Variants in SH3BP1 observed in about 807,000 individuals in gnomAD.
SH3BP1 encodes SH3 domain-binding protein 1.
SH3BP1 carries 46 observed loss-of-function variants against 69.8 expected under a neutral mutation model. The ratio of observed to expected loss-of-function variants is 0.66; its 90% CI spans 0.52 to 0.84. The LOEUF is 0.84. Ranked by LOEUF, SH3BP1 falls within the 40% of genes least tolerant of loss-of-function variation. The pLI, the probability that SH3BP1 is intolerant of heterozygous loss-of-function variation, is 0.00. For synonymous variants in SH3BP1, 403 were observed against 378.0 expected, an observed-to-expected ratio of 1.07 and a Z score of -0.77; for missense variants, 868 against 930.9, an observed-to-expected ratio of 0.93 and a Z score of 0.88.
chr22:37,639,918 GAC>G, intron 1 of SH3BP1, 72 bp downstream of exon 1: 7 of 1,029,854 alleles, frequency 6.8e-6, no homozygotes, highest in Non-Finnish European at 9.9e-6. Context: ...GGTCGGGGGA[GAC>G]GGGGGTGGGG....
intron 10 of SH3BP1, among the ~76,000 whole-genome samples, chr22:37,646,110 G>A (rs1390357537): frequency 6.6e-6 from 1 of 151,300 alleles, no homozygotes; most frequent in African/African-American, 2.4e-5. Flanking sequence ...GGGACTACAG[G>A]CATGCACCAC....
intron 16 of SH3BP1, among the ~76,000 whole-genome samples, chr22:37,652,825 CAAA>C (rs34342757): frequency 5.8e-4 from 57 of 97,824 alleles, no homozygotes; most frequent in African/African-American, 1.4e-3. Flanking sequence ...AACTCCATCT[CAAA>C]AAAAAAAAAA....
chr22:37,650,480 G>T, intron 15 of SH3BP1, 62 bp from the exon 16 acceptor site: 1 of 1,556,574 alleles, frequency 6.4e-7, no homozygotes, highest in Non-Finnish European at 8.7e-7. Flanking sequence ...AACGGTCCCG[G>T]CCAGTGGAGT....
chr22:37,643,378 G>T (rs1278924108), intron 6 of SH3BP1: 5 of 659,260 alleles, frequency 7.6e-6, no homozygotes, highest in Non-Finnish European at 1.3e-5. Context: ...GCTGGTGCTG[G>T]GGCAACCCTA....
rs1013645331 is a variant in SH3BP1, at chr22:37,650,657, C to T, written c.1530C>T (p.Thr510=). 7 of 1,613,744 alleles carry T rather than the reference C, an allele frequency of 4.3e-6. No individual in the cohort carries two copies. The highest frequency in any genetic ancestry group is 5.9e-6 in the Non-Finnish European group (7 of 1,179,810). Residue 510 remains threonine, a synonymous_variant, in exon 16 of 18, where the codon ACC becomes ACT. Transcript: ENST00000649765. ...PSTAVPTPAT[T]PAPAPAPAPA... ...CTGCCGTGCCCACCCCAGCCACCACCCCGGCTCCGGCTCCGGCTCCAGCTC... is the reference window on the plus strand; with the variant it reads ...CTGCCGTGCCCACCCCAGCCACCACTCCGGCTCCGGCTCCGGCTCCAGCTC...
chr22:37,643,773 A>G lies in SH3BP1; in HGVS notation c.603A>G (p.Lys201=). 1 of 1,613,414 alleles carries G rather than the reference A, an allele frequency of 6.2e-7. No individual in the cohort carries two copies. Among genetic ancestry groups the G allele is most frequent in the Non-Finnish European group, 8.5e-7 (1 of 1,179,978 alleles). Residue 201 remains lysine, a synonymous_variant, in exon 7 of 18, where the codon AAA becomes AAG. Transcript: ENST00000649765. ...LKEEEEELKR[K]VEQCRDEYLA... Reference sequence around the variant, plus strand: ...AGGAGGAGGAGGAGCTGAAGAGGAAAGTGGAGCAATGCAGGGTGAGGGCCA... The same window carrying G: ...AGGAGGAGGAGGAGCTGAAGAGGAAGGTGGAGCAATGCAGGGTGAGGGCCA...
chr22:37,641,118 C>CAA lies in SH3BP1; in HGVS notation c.60-8_60-7insAA. ...CACTCTCCCCCCCCCCCCCACCACT[C>CAA]CCCGCAGCACCCCGGAGACCGCTGA... is the stretch of plus-strand genomic sequence containing the variant. On this transcript the variant is annotated splice_polypyrimidine_tract_variant and splice_region_variant and intron_variant, in intron 1 of 17. Coordinates refer to ENST00000649765, the MANE Select transcript of SH3BP1 (RefSeq NM_018957.6). The CAA allele has an allele frequency of 7.1e-7, 1 of 1,412,380 alleles. No homozygotes were observed. The highest frequency in any genetic ancestry group is 9.7e-7 in the Non-Finnish European group (1 of 1,026,098). 87.5% of individuals were successfully genotyped at this position (1,412,380 alleles called of 1,614,324 possible). A position where few individuals can be genotyped will look rare whatever the true frequency, so the allele number is the denominator to read the frequency against.
rs1344356883 is a variant in SH3BP1 at position 37,650,442 on chromosome 22, T to C, written c.1415-100T>C. ...CACACGGGAGTGGGGAAGCTGAACA[T>C]GGTCCAGATGGGTTCAGGGGAAGGG... On this transcript the variant is annotated intron_variant, in intron 15 of 17. Coordinates refer to ENST00000649765, the MANE Select transcript of SH3BP1 (RefSeq NM_018957.6). 4.0e-6 allele frequency: 6 copies of C among 1,511,154 alleles called. No homozygotes were observed. The Admixed American group carries it at 1.0e-4, about 25-fold the overall frequency. 93.6% of individuals were successfully genotyped at this position (1,511,154 alleles called of 1,614,324 possible). A position where few individuals can be genotyped will look rare whatever the true frequency, so the allele number is the denominator to read the frequency against.
chr22:37,650,283 G>C (rs941822410), intron 15 of SH3BP1, 34 bp downstream of exon 15: 42 of 1,567,542 alleles, frequency 2.7e-5, no homozygotes, highest in Non-Finnish European at 3.5e-5. Context: ...GCCCTGCTGG[G>C]TGCCCTCCTT....
intron 16 of SH3BP1, 136 bp from the exon 17 acceptor site, chr22:37,653,643 G>A (rs965339805): frequency 5.6e-6 from 4 of 712,408 alleles, no homozygotes; most frequent in South Asian, 1.5e-5. Flanking sequence ...GGAGGGGTGC[G>A]TGGCATGGGG....
At chr22:37,643,306 G>C (rs1447631290) in intron 6 of SH3BP1, 132 bp downstream of exon 6, 2 of 812,122 alleles carry the variant, frequency 2.5e-6, no homozygotes, top group African/African-American at 3.4e-5. Flanking sequence ...ACTTGTGCAC[G>C]CCTGGTCCCT....
rs1034080427 is a variant in SH3BP1, at chr22:37,648,327, T to C, written c.1208T>C (p.Met403Thr). The C allele has an allele frequency of 1.9e-6, 3 of 1,583,744 alleles. No individual in the cohort carries two copies. In the African/African-American group the frequency reaches 4.0e-5, roughly 21 times the overall value. The change falls in exon 14 of 18, where the codon ATG becomes ACG. Residue 403 changes from methionine to threonine, a missense_variant. Transcript: ENST00000649765. ...PENLSNLRYL[M>T]KFLARLAEEQ... is the part of the protein sequence containing the mutation. Reference sequence around the variant, plus strand: ...CCTGCCTCCGCCCTTAGGTACCTGATGAAGTTCCTGGCACGGCTGGCCGAG... The same window carrying C: ...CCTGCCTCCGCCCTTAGGTACCTGACGAAGTTCCTGGCACGGCTGGCCGAG...
chr22:37,642,472 TG>T, intron 3 of SH3BP1, 66 bp from the exon 4 acceptor site: 1 of 1,537,110 alleles, frequency 6.5e-7, no homozygotes, highest in Non-Finnish European at 9.0e-7. Context: ...CCCAAGGGGC[TG>T]GCCTGGTGCT....
Position 37,641,103 on chromosome 22 carries a change from C to A in SH3BP1, c.60-23C>A, listed in dbSNP as rs766042769. 2.0e-4 allele frequency: 252 copies of A among 1,253,898 alleles called. 5 individuals carry two copies. The highest frequency in any genetic ancestry group is 5.1e-4 in the East Asian group (20 of 39,600). The allele number at this position is 1,253,898 out of a possible 1,614,324, so 77.7% of individuals were successfully genotyped here. A position where few individuals can be genotyped will look rare whatever the true frequency, so the allele number is the denominator to read the frequency against. On this transcript the variant is annotated intron_variant, in intron 1 of 17. Transcript: ENST00000649765. Reference sequence around the variant, plus strand: ...CAGGCTCAGCAGAAGCACTCTCCCCCCCCCCCCCACCACTCCCCGCAGCAC... The same window carrying A: ...CAGGCTCAGCAGAAGCACTCTCCCCACCCCCCCCACCACTCCCCGCAGCAC...
At chr22:37,644,393 A>C (rs530652350) in intron 7 of SH3BP1, among the ~76,000 whole-genome samples, 1 of 152,332 alleles carries the variant, frequency 6.6e-6, no homozygotes, top group South Asian at 2.1e-4. Context: ...GAAACAAAAC[A>C]AAAAACAAGG....
intron 3 of SH3BP1, chr22:37,641,768 G>A (rs1032618082): frequency 9.5e-5 from 35 of 368,830 alleles, no homozygotes; most frequent in African/African-American, 1.5e-4. Context: ...TCAATGGGGC[G>A]GCCTCAGAGG....
At chr22:37,643,544 C>G in intron 6 of SH3BP1, 100 bp from the exon 7 acceptor site, 4 of 1,526,694 alleles carry the variant, frequency 2.6e-6, no homozygotes, top group Non-Finnish European at 3.6e-6. Flanking sequence ...ATCTGCAGCT[C>G]TAAATCCTAG....
At chr22:37,646,987 GA>G in intron 11 of SH3BP1, 58 bp downstream of exon 11, 1 of 1,147,978 alleles carries the variant, frequency 8.7e-7, no homozygotes, top group Non-Finnish European at 1.2e-6. Context: ...GCAGTGGCTT[GA>G]AACGATCCCA....
At chr22:37,649,549 C>T (rs1015054749) in intron 14 of SH3BP1, among the ~76,000 whole-genome samples, 17 of 152,162 alleles carry the variant, frequency 1.1e-4, no homozygotes, top group African/African-American at 3.6e-4. Flanking sequence ...TTTGGGAGGC[C>T]GAGGTGGGTG....
Sources: gnomAD v4.1 joint callset for allele counts (sites outside exome capture counted in the v4.1 genomes callset) on GRCh38, gnomAD v4.1.1 for gene constraint, MANE v1.5 for transcripts, NCBI Gene and HGNC (gene_info 2026-07-23, HGNC 2026-07-21) for gene names.